The following ARL13B variants were observed in gnomAD, a reference collection of about 807,000 sequenced individuals.
The protein encoded by ARL13B is ADP-ribosylation factor-like protein 13B.
Under a neutral mutation model 56.1 loss-of-function variants are expected in ARL13B, and 36 were observed. That is an observed-to-expected ratio of 0.64 (90% CI 0.49 to 0.85). ARL13B has a LOEUF of 0.85. Ranked by LOEUF, ARL13B falls within the 40% of genes least tolerant of loss-of-function variation. ARL13B has a pLI of 0.00. For missense variants in ARL13B, 519 were observed against 507.1 expected, an observed-to-expected ratio of 1.02 and a Z score of -0.23; for synonymous variants, 178 against 171.1, an observed-to-expected ratio of 1.04 and a Z score of -0.32.
intron 3 of ARL13B, 47 bp from the exon 4 acceptor site, chr3:94,035,284 A>T: frequency 1.6e-6 from 2 of 1,234,222 alleles, no homozygotes; most frequent in South Asian, 1.3e-5. Flanking sequence ...TTAAGTTTCC[A>T]TCCAATTATA....
chr3:93,980,211 A>T lies in ARL13B; in HGVS notation c.-213A>T, dbSNP rs982112909. 9 of 706,166 alleles carry T rather than the reference A, an allele frequency of 1.3e-5. No individual in the cohort carries two copies. Among genetic ancestry groups the T allele is most frequent in the African/African-American group, 3.5e-5 (2 of 57,238 alleles). The allele number at this position is 706,166 out of a possible 1,614,324, so 43.7% of individuals were successfully genotyped here. A position where few individuals can be genotyped will look rare whatever the true frequency, so the allele number is the denominator to read the frequency against. On this transcript the variant is annotated 5_prime_UTR_variant, in exon 1 of 10. Coordinates refer to ENST00000394222, the MANE Select transcript of ARL13B (RefSeq NM_001174150.2). ...CTACGGTGTATCTGCGTCTTTGGTC[A>T]GGTTGTTCCTTGGCTAAGAGGGCAG... is the stretch of plus-strand genomic sequence containing the variant.
intron 2 of ARL13B, among the ~76,000 whole-genome samples, chr3:93,999,996 A>G (rs564455333): frequency 2.0e-4 from 30 of 152,186 alleles, no homozygotes; most frequent in Non-Finnish European, 3.2e-4. Context: ...CAAAATGTGC[A>G]TTTCAGCTAG....
intron 4 of ARL13B, among the ~76,000 whole-genome samples, chr3:94,036,282 A>T (rs931449709): frequency 6.6e-6 from 1 of 151,956 alleles, no homozygotes; most frequent in Non-Finnish European, 1.5e-5. Context: ...TGGTAGTTAA[A>T]TTTTTTCTTC....
intron 1 of ARL13B, among the ~76,000 whole-genome samples, chr3:93,994,428 ACTCT>A (rs1003108791): frequency 8.7e-6 from 1 of 115,306 alleles, no homozygotes; most frequent in African/African-American, 3.5e-5. Context: ...ACCCTGCTCT[ACTCT>A]GTTTTTTTCC....
intron 3 of ARL13B, among the ~76,000 whole-genome samples, chr3:94,008,187 T>C (rs1344946456): frequency 1.3e-5 from 2 of 152,212 alleles, no homozygotes; most frequent in Non-Finnish European, 2.9e-5. Context: ...ACATTATGCT[T>C]TGCAATCATG....
Position 94,014,336 on chromosome 3 carries a change from A to G in ARL13B, c.380+10428A>G, listed in dbSNP as rs764526969. The G allele has an allele frequency of 4.5e-5, 65 of 1,434,132 alleles. No individual in the cohort carries two copies. The Middle Eastern group carries it at 2.6e-3, about 58-fold the overall frequency. The allele number at this position is 1,434,132 out of a possible 1,614,324, so 88.8% of individuals were successfully genotyped here. A position where few individuals can be genotyped will look rare whatever the true frequency, so the allele number is the denominator to read the frequency against. ...GAAAAACAATACAAGACACTGAAAT[A>G]TAAGCTATCTTTTACCGTAAAGCTG... On this transcript the variant is annotated intron_variant, in intron 3 of 9. Coordinates refer to ENST00000394222, the MANE Select transcript of ARL13B (RefSeq NM_001174150.2).
intron 8 of ARL13B, 73 bp from the exon 9 acceptor site, chr3:94,050,751 G>A: frequency 2.4e-6 from 3 of 1,254,242 alleles, no homozygotes; most frequent in South Asian, 1.2e-5. Flanking sequence ...TCCTTTCCAG[G>A]GAGGGATCCT....
chr3:94,019,475 A>G (rs961303153), intron 3 of ARL13B, among the ~76,000 whole-genome samples: 1 of 151,796 alleles, frequency 6.6e-6, no homozygotes, highest in Non-Finnish European at 1.5e-5. Context: ...GATTACAGGC[A>G]TGAGCCACCG....
Position 94,053,265 on chromosome 3 carries a change from CAA to C in ARL13B, c.*3_*4del. 6.2e-7 allele frequency: 1 copy of C among 1,612,868 alleles called. No homozygotes were observed. The highest frequency in any genetic ancestry group is 8.5e-7 in the Non-Finnish European group (1 of 1,179,292). ...GATGCTCATGATGTGATCTCATAAA[CAA>C]GACGTATGGAGGAGTTCTCTTAATA... On this transcript the variant is annotated 3_prime_UTR_variant, in exon 10 of 10. Coordinates refer to ENST00000394222, the MANE Select transcript of ARL13B (RefSeq NM_001174150.2).
intron 7 of ARL13B, among the ~76,000 whole-genome samples, chr3:94,044,902 C>T (rs1445406210): frequency 6.6e-6 from 1 of 151,814 alleles, no homozygotes; most frequent in Non-Finnish European, 1.5e-5. Flanking sequence ...GTGAGGAGCG[C>T]CTCTGCCCGC....
chr3:94,048,501 C>G (rs1001213015), intron 7 of ARL13B, among the ~76,000 whole-genome samples: 1 of 152,152 alleles, frequency 6.6e-6, no homozygotes, highest in African/African-American at 2.4e-5. Flanking sequence ...ACATTCAATT[C>G]TGCTAGTTCT....
At chr3:94,045,016 G>A (rs566521815) in intron 7 of ARL13B, among the ~76,000 whole-genome samples, 1 of 152,332 alleles carries the variant, frequency 6.6e-6, no homozygotes, top group South Asian at 2.1e-4. Context: ...AGGGGGAAAT[G>A]TGGGGAAAAG....
intron 3 of ARL13B, among the ~76,000 whole-genome samples, chr3:94,029,783 C>T (rs912169458): frequency 2.0e-5 from 3 of 152,086 alleles, no homozygotes; most frequent in Non-Finnish European, 2.9e-5. Context: ...AGTCCTTCAG[C>T]GTAGAACTGG....
At chr3:94,004,902 A>G (rs1431706070) in intron 3 of ARL13B, among the ~76,000 whole-genome samples, 1 of 152,150 alleles carries the variant, frequency 6.6e-6, no homozygotes, top group Non-Finnish European at 1.5e-5. Context: ...TGAAGAGAGA[A>G]CTTTGCAGAA....
chr3:94,026,726 G>A (rs1192758138), intron 3 of ARL13B, among the ~76,000 whole-genome samples: 1 of 152,106 alleles, frequency 6.6e-6, no homozygotes, highest in Non-Finnish European at 1.5e-5. Context: ...AGTCTGTTAT[G>A]TACCTTAAAT....
rs770527364 is a variant in ARL13B, at chr3:94,053,356, TG to T, written c.*97del. On this transcript the variant is annotated 3_prime_UTR_variant, in exon 10 of 10. Coordinates refer to ENST00000394222, the MANE Select transcript of ARL13B (RefSeq NM_001174150.2). ...AAGAAACATCTTGTAAATTGATGACTGGGGCAAGATAACCATAATAATTTTA... is the reference window on the plus strand; with the variant it reads ...AAGAAACATCTTGTAAATTGATGACTGGGCAAGATAACCATAATAATTTTA... The T allele has an allele frequency of 8.1e-6, 9 of 1,111,074 alleles. No individual in the cohort carries two copies. In the African/African-American group the frequency reaches 1.1e-4, roughly 13 times the overall value. The allele number at this position is 1,111,074 out of a possible 1,614,324, so 68.8% of individuals were successfully genotyped here.
chr3:94,006,710 T>G (rs140529915), intron 3 of ARL13B, among the ~76,000 whole-genome samples: 55 of 152,348 alleles, frequency 3.6e-4, no homozygotes, highest in African/African-American at 1.3e-3. Context: ...TATGAGACTT[T>G]TAAAAATACA....
At chr3:93,989,592 A>G (rs2075831899) in intron 1 of ARL13B, among the ~76,000 whole-genome samples, 1 of 151,930 alleles carries the variant, frequency 6.6e-6, no homozygotes, top group Non-Finnish European at 1.5e-5. Context: ...CATGCTGTCA[A>G]CCCAGGCTAG....
chr3:94,003,903 A>G lies in ARL13B; in HGVS notation c.375A>G (p.Ile125Met). 2 of 1,613,356 alleles carry G rather than the reference A, an allele frequency of 1.2e-6. No homozygotes were observed. Among genetic ancestry groups the G allele is most frequent in the Non-Finnish European group, 1.7e-6 (2 of 1,179,582 alleles). ...ATCCTAGGATATCGGGAAAGCCTAT[A>G]TTGGTGTAAGTAATGTTAGCATCAT... ...LRHPRISGKP[I>M]LVLANKQDKE... Residue 125 changes from isoleucine to methionine, a missense_variant, in exon 3 of 10, where the codon ATA becomes ATG. Ile to Met is a conservative substitution (Grantham distance 10). Coordinates refer to ENST00000394222, the MANE Select transcript of ARL13B (RefSeq NM_001174150.2).
Sources: gnomAD v4.1 joint callset for allele counts (sites outside exome capture counted in the v4.1 genomes callset) on GRCh38, gnomAD v4.1.1 for gene constraint, MANE v1.5 for transcripts, NCBI Gene and HGNC (gene_info 2026-07-23, HGNC 2026-07-21) for gene names.